NDFIP1: variants seen among roughly 807,000 people sequenced by gnomAD.
NDFIP1 encodes Nedd4 family interacting protein 1, also known as NEDD4 family-interacting protein 1.
In NDFIP1, 7 loss-of-function variants were observed where a neutral mutation model predicts 28.8. The ratio of observed to expected loss-of-function variants is 0.24; its 90% CI spans 0.14 to 0.46. The LOEUF is 0.46. Ranked by LOEUF, NDFIP1 falls within the 20% of genes least tolerant of loss-of-function variation. The probability of loss-of-function intolerance (pLI) is 0.99; values close to 1 mark genes in which losing one functional copy is unlikely to be tolerated. For synonymous variants in NDFIP1, 92 were observed against 101.0 expected, an observed-to-expected ratio of 0.91 and a Z score of 0.53; for missense variants, 194 against 269.1, an observed-to-expected ratio of 0.72 and a Z score of 1.95.
Position 142,137,810 on chromosome 5 carries a change from C to T in NDFIP1, c.447C>T (p.Ala149=), listed in dbSNP as rs761400676. ...LTTSAAGRYG[A]ISGFGLSLIK... ...CTTCAGCTGCAGGAAGGTATGGGGC[C>T]ATTTCAGGATTTGGTCTCTCTCTAA... Residue 149 remains alanine, a synonymous_variant, in exon 5 of 8, where the codon GCC becomes GCT. Coordinates refer to ENST00000253814, the MANE Select transcript of NDFIP1 (RefSeq NM_030571.4). 5 of 1,614,046 alleles carry T rather than the reference C, an allele frequency of 3.1e-6. No individual in the cohort carries two copies. The highest frequency in any genetic ancestry group is 4.2e-6 in the Non-Finnish European group (5 of 1,179,988).
chr5:142,110,569 G>A (rs1274322582), intron 1 of NDFIP1, among the ~76,000 whole-genome samples: 1 of 151,828 alleles, frequency 6.6e-6, no homozygotes, highest in Non-Finnish European at 1.5e-5. Context: ...TCCTTAGTGT[G>A]GCATTTAATA....
intron 1 of NDFIP1, among the ~76,000 whole-genome samples, chr5:142,125,823 T>C (rs1757164815): frequency 6.6e-6 from 1 of 152,226 alleles, no homozygotes; most frequent in Admixed American, 6.5e-5. Flanking sequence ...TGAAGTGGTA[T>C]TGAGTCTTGG....
chr5:142,137,708 A>G (rs1306440577), intron 4 of NDFIP1, 26 bp from the exon 5 acceptor site: 1 of 1,613,232 alleles, frequency 6.2e-7, no homozygotes, highest in Non-Finnish European at 8.5e-7. Context: ...CATGTCTAAC[A>G]TCTTTCCCCT....
chr5:142,133,936 T>C (rs1757249842), intron 3 of NDFIP1: 2 of 152,136 alleles, frequency 1.3e-5, no homozygotes, highest in African/African-American at 4.8e-5. Flanking sequence ...AGATTTGATG[T>C]GGGCCCGGAG....
At chr5:142,115,308 A>C (rs1039182266) in intron 1 of NDFIP1, among the ~76,000 whole-genome samples, 3 of 152,056 alleles carry the variant, frequency 2.0e-5, no homozygotes, top group Admixed American at 6.6e-5. Flanking sequence ...TTTGAGATGG[A>C]GTGTCTTTCT....
chr5:142,110,718 A>T (rs760851181), intron 1 of NDFIP1, among the ~76,000 whole-genome samples: 2 of 152,248 alleles, frequency 1.3e-5, no homozygotes, highest in African/African-American at 2.4e-5. Flanking sequence ...TAATATTTTA[A>T]TGTGCATTCT....
At chr5:142,131,936 A>G in intron 2 of NDFIP1, 41 bp downstream of exon 2, 3 of 1,497,062 alleles carry the variant, frequency 2.0e-6, no homozygotes, top group South Asian at 1.3e-5. Flanking sequence ...CCTTAAAAAC[A>G]CTCTGTGCTT....
rs534760872 is a variant in NDFIP1, at chr5:142,137,316, T to G, written c.371-418T>G. 9.9e-5 allele frequency among the ~76,000 whole-genome samples: 15 copies of G among 152,180 alleles called. 1 individual carries two copies. In the South Asian group the frequency reaches 3.1e-3, roughly 32 times the overall value. ...GCTGGGACTTGCAGGTGTGCACCACTGTGCCCGGCTTTTGTTTGTTTGTTT... is the reference window on the plus strand; with the variant it reads ...GCTGGGACTTGCAGGTGTGCACCACGGTGCCCGGCTTTTGTTTGTTTGTTT... On this transcript the variant is annotated intron_variant, in intron 4 of 7. Coordinates refer to ENST00000253814, the MANE Select transcript of NDFIP1 (RefSeq NM_030571.4).
intron 1 of NDFIP1, among the ~76,000 whole-genome samples, 198 bp from the exon 2 acceptor site, chr5:142,131,610 A>G (rs1304341860): frequency 6.6e-6 from 1 of 152,132 alleles, no homozygotes; most frequent in Non-Finnish European, 1.5e-5. Context: ...ACTTATATGT[A>G]CCCATTTTGC....
At chr5:142,144,737 GT>G in intron 7 of NDFIP1, 61 bp downstream of exon 7, 2 of 1,134,672 alleles carry the variant, frequency 1.8e-6, no homozygotes, top group Non-Finnish European at 2.6e-6. Context: ...GTAGATTTCT[GT>G]TCAGTTTTAG....
At chr5:142,136,785 G>C (rs1026344210) in intron 4 of NDFIP1, among the ~76,000 whole-genome samples, 3 of 140,648 alleles carry the variant, frequency 2.1e-5, no homozygotes, top group African/African-American at 8.0e-5. Context: ...GAGGTCAAAG[G>C]CTGGGCACAG....
At chr5:142,128,749 A>G (rs183343961) in intron 1 of NDFIP1, among the ~76,000 whole-genome samples, 2 of 152,314 alleles carry the variant, frequency 1.3e-5, no homozygotes, top group East Asian at 1.9e-4. Context: ...TTATTTTTCA[A>G]TTGAAAAAAG....
chr5:142,142,749 G>A (rs1373872621), intron 6 of NDFIP1, among the ~76,000 whole-genome samples: 1 of 151,480 alleles, frequency 6.6e-6, no homozygotes, highest in African/African-American at 2.4e-5. Context: ...CCACCGTGGT[G>A]AAACCCCGTC....
At chr5:142,133,284 A>G (rs1561602020) in intron 3 of NDFIP1, among the ~76,000 whole-genome samples, 3 of 152,220 alleles carry the variant, frequency 2.0e-5, no homozygotes, top group Admixed American at 1.3e-4. Context: ...ACCAGGGAGA[A>G]ACTAAAAACC....
chr5:142,111,706 A>G (rs75644039), intron 1 of NDFIP1, among the ~76,000 whole-genome samples: 1 of 152,136 alleles, frequency 6.6e-6, no homozygotes, highest in Admixed American at 6.5e-5. Context: ...TTTTGTCTTT[A>G]TGGTCTTTTT....
At chr5:142,120,050 G>A (rs1209388924) in intron 1 of NDFIP1, among the ~76,000 whole-genome samples, 1 of 152,126 alleles carries the variant, frequency 6.6e-6, no homozygotes, top group South Asian at 2.1e-4. Flanking sequence ...CTGCCTCCCG[G>A]GTTGAAGCAA....
At chr5:142,119,239 C>A (rs1353910079) in intron 1 of NDFIP1, among the ~76,000 whole-genome samples, 2 of 152,202 alleles carry the variant, frequency 1.3e-5, no homozygotes, top group Non-Finnish European at 2.9e-5. Flanking sequence ...CATGGAGAAA[C>A]CTGGCTCACT....
rs1290241457 is a variant in NDFIP1, at chr5:142,152,828, A to G, written c.*1100A>G. 6.1e-6 allele frequency: 1 copy of G among 163,656 alleles called. No homozygotes were observed. Among genetic ancestry groups the G allele is most frequent in the Non-Finnish European group, 1.3e-5 (1 of 74,936 alleles). 10.1% of individuals were successfully genotyped at this position (163,656 alleles called of 1,614,324 possible). A position where few individuals can be genotyped will look rare whatever the true frequency, so the allele number is the denominator to read the frequency against. ...TCTTGGCTTGCATTTGTTGATTGCT[A>G]AGGCAATTTTTTCTAATCTTAGGGA... On this transcript the variant is annotated 3_prime_UTR_variant, in exon 8 of 8. Coordinates refer to ENST00000253814, the MANE Select transcript of NDFIP1 (RefSeq NM_030571.4).
chr5:142,127,217 T>C (rs1352135948), intron 1 of NDFIP1, among the ~76,000 whole-genome samples: 1 of 152,188 alleles, frequency 6.6e-6, no homozygotes, highest in Non-Finnish European at 1.5e-5. Context: ...GATTTTACCA[T>C]GTTGGCCAGG....
Sources: gnomAD v4.1 joint callset for allele counts (sites outside exome capture counted in the v4.1 genomes callset) on GRCh38, gnomAD v4.1.1 for gene constraint, MANE v1.5 for transcripts, NCBI Gene and HGNC (gene_info 2026-07-23, HGNC 2026-07-21) for gene names.